Variants in SPECC1L observed in about 807,000 individuals in gnomAD.
SPECC1L encodes the protein sperm antigen with calponin homology and coiled-coil domains 1 like.
In SPECC1L, 40 loss-of-function variants were observed where a neutral mutation model predicts 116.8. The ratio of observed to expected loss-of-function variants is 0.34; its 90% CI spans 0.27 to 0.45. The LOEUF is 0.45. Ranked by LOEUF, SPECC1L falls within the 20% of genes least tolerant of loss-of-function variation. The probability of loss-of-function intolerance (pLI) is 1.00; values close to 1 mark genes in which losing one functional copy is unlikely to be tolerated. For synonymous variants in SPECC1L, 504 were observed against 500.6 expected (o/e 1.01, Z -0.09); for missense variants, 1,110 against 1,373.6 (o/e 0.81, Z 3.03).
At chr22:24,340,673 T>G (rs139678364) in intron 10 of SPECC1L, among the ~76,000 whole-genome samples, 13 of 152,320 alleles carry the variant, frequency 8.5e-5, no homozygotes, top group African/African-American at 3.1e-4. Flanking sequence ...CTAATACTTA[T>G]GAGCTACATT....
At chr22:24,308,369 T>A (rs2049543705) in intron 3 of SPECC1L, among the ~76,000 whole-genome samples, 1 of 152,248 alleles carries the variant, frequency 6.6e-6, no homozygotes, top group Admixed American at 6.5e-5. Flanking sequence ...TTTCTCACTC[T>A]GTCTTTTATC....
Position 24,347,639 on chromosome 22 carries a change from A to G in SPECC1L, c.2743+463A>G, listed in dbSNP as rs138429171. ...AGACTCTGGAAGATGAGGGTCAGCA[A>G]CTCTTTGGAGCCCTTGGGAGGAACT... On this transcript the variant is annotated intron_variant, in intron 11 of 16. Coordinates refer to ENST00000314328, the MANE Select transcript of SPECC1L (RefSeq NM_015330.6). Among the ~76,000 whole-genome samples the G allele has an allele frequency of 3.8e-4, 58 of 151,900 alleles. 1 individual carries two copies. The East Asian group carries it at 0.011, about 28-fold the overall frequency.
intron 10 of SPECC1L, among the ~76,000 whole-genome samples, chr22:24,346,622 AG>A (rs1441564147): frequency 6.6e-6 from 1 of 152,194 alleles, no homozygotes; most frequent in Non-Finnish European, 1.5e-5. Flanking sequence ...GGTCAGTGAT[AG>A]GGGGTTGGGG....
chr22:24,379,219 A>T (rs546724789), intron 14 of SPECC1L, among the ~76,000 whole-genome samples: 25 of 128,556 alleles, frequency 1.9e-4, no homozygotes, highest in East Asian at 7.9e-4. Context: ...ATTAAAATTT[A>T]AAAAAAAAAA....
intron 2 of SPECC1L, among the ~76,000 whole-genome samples, chr22:24,283,429 C>T (rs151022114): frequency 6.6e-6 from 1 of 152,262 alleles, no homozygotes; most frequent in African/African-American, 2.4e-5. Context: ...TGGGATAAAC[C>T]CTACTTGGTT....
chr22:24,280,611 T>A (rs1259609381), intron 2 of SPECC1L, among the ~76,000 whole-genome samples: 1 of 143,672 alleles, frequency 7.0e-6, no homozygotes, highest in Non-Finnish European at 1.5e-5. Flanking sequence ...ACAGTGTCAC[T>A]CTGTTGCTCA....
intron 7 of SPECC1L, among the ~76,000 whole-genome samples, chr22:24,329,293 A>G (rs2040891339): frequency 6.6e-6 from 1 of 152,234 alleles, no homozygotes; most frequent in African/African-American, 2.4e-5. Context: ...AATCCAAAGA[A>G]TCTTAAATCT....
rs761050341 is a variant in SPECC1L, at chr22:24,322,090, G to A, written c.1110G>A (p.Glu370=). The change falls in exon 5 of 17, where the codon GAG becomes GAA. Residue 370 remains glutamate, a synonymous_variant. Coordinates refer to ENST00000314328, the MANE Select transcript of SPECC1L (RefSeq NM_015330.6). ...CGCTGGATGCACCATCCTCCTCAGA[G>A]TCGGAAGGCATCCCCAGCATAGAGC... ...DDALDAPSSS[E]SEGIPSIERS... The A allele has an allele frequency of 5.6e-6, 9 of 1,614,050 alleles. No individual in the cohort carries two copies. The highest frequency in any genetic ancestry group is 7.6e-6 in the Non-Finnish European group (9 of 1,180,056).
chr22:24,286,122 C>T (rs912588089), intron 2 of SPECC1L, among the ~76,000 whole-genome samples: 8 of 152,128 alleles, frequency 5.3e-5, no homozygotes, highest in Admixed American at 1.3e-4. Context: ...ATGTTTGTAA[C>T]CTAGAATATA....
intron 14 of SPECC1L, among the ~76,000 whole-genome samples, chr22:24,395,187 T>A (rs1253733378): frequency 6.6e-6 from 1 of 152,218 alleles, no homozygotes; most frequent in Admixed American, 6.5e-5. Context: ...GAAGCATACA[T>A]GTGTTTGTGT....
chr22:24,270,924 G>T lies in SPECC1L; in HGVS notation c.-201G>T, dbSNP rs201590292. On this transcript the variant is annotated 5_prime_UTR_variant, in exon 1 of 17. Transcript: ENST00000314328. The stretch of plus-strand genomic sequence containing the variant: ...TCAACGGGTCTCGGCTGAGCCACCG[G>T]GTGAGCTCACCGCCCAGCCCAAACC... The T allele has an allele frequency of 6.6e-6, 1 of 152,250 alleles. No individual in the cohort carries two copies. The highest frequency in any genetic ancestry group is 1.5e-5 in the Non-Finnish European group (1 of 68,058). The allele number at this position is 152,250 out of a possible 1,614,324, so 9.4% of individuals were successfully genotyped here.
intron 10 of SPECC1L, among the ~76,000 whole-genome samples, chr22:24,345,579 C>G (rs765960477): frequency 9.9e-5 from 15 of 152,132 alleles, no homozygotes; most frequent in Non-Finnish European, 1.8e-4. Context: ...AGAAGACAAA[C>G]AACCCAATAA....
chr22:24,404,797 AG>A (rs2042554210), intron 14 of SPECC1L, among the ~76,000 whole-genome samples: 1 of 152,114 alleles, frequency 6.6e-6, no homozygotes, highest in Non-Finnish European at 1.5e-5. Flanking sequence ...ATGAAACCCC[AG>A]GTGAGGACTC....
chr22:24,289,516 TTC>T (rs1266356636), intron 2 of SPECC1L, among the ~76,000 whole-genome samples: 2 of 152,168 alleles, frequency 1.3e-5, no homozygotes, highest in Middle Eastern at 3.2e-3. Flanking sequence ...ACTTACATGG[TTC>T]TAAGTTTAAA....
At chr22:24,368,771 C>T (rs2041819903) in intron 13 of SPECC1L, among the ~76,000 whole-genome samples, 1 of 152,124 alleles carries the variant, frequency 6.6e-6, no homozygotes, top group Non-Finnish European at 1.5e-5. Flanking sequence ...CTCAGCCTCC[C>T]AAGTAGCTGG....
intron 2 of SPECC1L, among the ~76,000 whole-genome samples, chr22:24,283,177 C>A (rs1409685648): frequency 6.6e-6 from 1 of 152,058 alleles, no homozygotes; most frequent in Non-Finnish European, 1.5e-5. Context: ...TTCCTGGGTT[C>A]ACACCATTCT....
intron 2 of SPECC1L, among the ~76,000 whole-genome samples, chr22:24,282,049 T>TGGTCAGGGGTGAAATCAAAAG (rs1235879307): frequency 1.2e-4 from 19 of 152,312 alleles, no homozygotes; most frequent in Middle Eastern, 3.4e-3. Flanking sequence ...GAGTGCTGAT[T>TGGTCAGGGGTGAAATCAAAAG]GGTCAGGGGT....
chr22:24,392,839 T>C lies in SPECC1L; in HGVS notation c.3088-18749T>C, dbSNP rs556899183. 3.3e-5 allele frequency among the ~76,000 whole-genome samples: 5 copies of C among 152,348 alleles called. No individual in the cohort carries two copies. In the South Asian group the frequency reaches 1.0e-3, roughly 32 times the overall value. ...TCCGCTCTACTCAGCTCAGTGCCAC[T>C]GGAGAGGTGGAACTAGCTGATGGCT... On this transcript the variant is annotated intron_variant, in intron 14 of 16. Coordinates refer to ENST00000314328, the MANE Select transcript of SPECC1L (RefSeq NM_015330.6).
At chr22:24,340,655 G>T (rs1008655047) in intron 10 of SPECC1L, among the ~76,000 whole-genome samples, 3 of 152,118 alleles carry the variant, frequency 2.0e-5, no homozygotes, top group African/African-American at 4.8e-5. Flanking sequence ...TCTACAAGTT[G>T]CAAAAAACTA....
Sources: allele counts gnomAD v4.1 joint callset (sites outside exome capture counted in the v4.1 genomes callset), GRCh38; gene constraint gnomAD v4.1.1; transcripts MANE v1.5; gene names NCBI Gene and HGNC (gene_info 2026-07-23, HGNC 2026-07-21).